Variants in RARB observed in about 807,000 individuals in gnomAD.
RARB encodes retinoic acid receptor beta.
In RARB, 17 loss-of-function variants were observed where a neutral mutation model predicts 51.9. The observed-to-expected ratio is 0.33, with a 90% confidence interval of 0.22 to 0.49. RARB has a LOEUF of 0.49. RARB is among the 20% of genes least tolerant of loss of function. The probability of loss-of-function intolerance (pLI) is 0.99; values close to 1 mark genes in which losing one functional copy is unlikely to be tolerated. For synonymous variants in RARB, 215 were observed against 195.4 expected (o/e 1.10, Z -0.84); for missense variants, 369 against 550.8 (o/e 0.67, Z 3.30).
intron 3 of RARB, among the ~76,000 whole-genome samples, chr3:25,548,642 CAAAAAAA>C (rs35411774): frequency 8.2e-5 from 6 of 73,600 alleles, no homozygotes. Context: ...CCTCCCCCGA[CAAAAAAA>C]AAAAAAAAAA....
intron 5 of RARB, among the ~76,000 whole-genome samples, chr3:25,388,889 T>G (rs181338876): frequency 4.3e-4 from 65 of 152,282 alleles, no homozygotes; most frequent in Non-Finnish European, 2.9e-5. Flanking sequence ...TGTTACTAGG[T>G]TTTTCTTCAA....
At position 25,017,828 on chromosome 3, in the gene RARB, A is replaced by G. The variant is rs78139358; in HGVS notation, c.-379-42297A>G. Among the ~76,000 whole-genome samples the G allele has an allele frequency of 7.2e-3, 1,099 of 152,262 alleles. 12 individuals carry two copies. Among genetic ancestry groups the G allele is most frequent in the African/African-American group, 0.025 (1,030 of 41,554 alleles). On this transcript the variant is annotated intron_variant, in intron 2 of 11. Transcript: ENST00000383772. ...TTGCTTTCCCCCTACAAATTCATAT[A>G]TTGAAAGCTAATCCCCAGTGTGATG... is the stretch of plus-strand genomic sequence containing the variant.
At chr3:25,544,671 C>T (rs930319181) in intron 3 of RARB, among the ~76,000 whole-genome samples, 4 of 151,094 alleles carry the variant, frequency 2.6e-5, no homozygotes, top group African/African-American at 4.9e-5. Flanking sequence ...ATGGTCATTC[C>T]CCCGCCCCCT....
At chr3:24,976,409 C>T (rs1195415714) in intron 2 of RARB, among the ~76,000 whole-genome samples, 3 of 152,232 alleles carry the variant, frequency 2.0e-5, no homozygotes, top group Non-Finnish European at 4.4e-5. Context: ...ATTCCTGTTT[C>T]TCCACATCCT....
chr3:25,470,053 C>A (rs1198010897), intron 2 of RARB, among the ~76,000 whole-genome samples: 2 of 152,100 alleles, frequency 1.3e-5, no homozygotes, highest in African/African-American at 4.8e-5. Flanking sequence ...TGAAGCACAG[C>A]GTGCCATCAT....
chr3:25,205,678 G>T (rs1415845885), intron 5 of RARB, among the ~76,000 whole-genome samples: 2 of 151,958 alleles, frequency 1.3e-5, no homozygotes, highest in Non-Finnish European at 2.9e-5. Context: ...AATTTCTCAT[G>T]TGCCTCATAA....
intron 2 of RARB, among the ~76,000 whole-genome samples, chr3:25,059,813 T>C (rs1698512324): frequency 6.6e-6 from 1 of 151,832 alleles, no homozygotes; most frequent in Non-Finnish European, 1.5e-5. Context: ...CAGAGTTTGC[T>C]ATAATCTCTG....
At chr3:24,970,538 C>T (rs897416395) in intron 2 of RARB, among the ~76,000 whole-genome samples, 1 of 149,790 alleles carries the variant, frequency 6.7e-6, no homozygotes, top group Admixed American at 6.7e-5. Context: ...ATCAGATCAA[C>T]AGTTGCTAAT....
At chr3:25,489,445 G>T (rs1696622035) in intron 2 of RARB, among the ~76,000 whole-genome samples, 1 of 151,992 alleles carries the variant, frequency 6.6e-6, no homozygotes, top group Non-Finnish European at 1.5e-5. Flanking sequence ...ACATTTCTTT[G>T]CTGATCTTCC....
intron 3 of RARB, among the ~76,000 whole-genome samples, chr3:25,537,313 C>A (rs894488920): frequency 6.6e-6 from 1 of 152,188 alleles, no homozygotes; most frequent in Admixed American, 6.5e-5. Flanking sequence ...AGCTTATGTT[C>A]TTGTAAATTA....
intron 5 of RARB, among the ~76,000 whole-genome samples, chr3:25,383,389 G>A (rs527269872): frequency 7.6e-4 from 116 of 152,298 alleles, no homozygotes; most frequent in African/African-American, 2.4e-3. Context: ...CCTAAGAAAT[G>A]AAAAGATGAT....
intron 5 of RARB, among the ~76,000 whole-genome samples, chr3:25,206,172 T>C (rs1442501878): frequency 6.6e-6 from 1 of 152,232 alleles, no homozygotes; most frequent in East Asian, 1.9e-4. Context: ...TCTCAAGTTC[T>C]ATTTTCCAGC....
At chr3:24,876,712 T>C (rs1321801397) in intron 2 of RARB, among the ~76,000 whole-genome samples, 1 of 152,158 alleles carries the variant, frequency 6.6e-6, no homozygotes, top group Non-Finnish European at 1.5e-5. Context: ...ATATATTAAT[T>C]GCTGGAAATC....
At chr3:25,162,179 A>G (rs907071512) in intron 4 of RARB, among the ~76,000 whole-genome samples, 7 of 152,178 alleles carry the variant, frequency 4.6e-5, no homozygotes, top group Non-Finnish European at 5.9e-5. Flanking sequence ...ATCATAGCTC[A>G]TGCAGCCTCA....
At chr3:25,462,067 T>C (rs1695214178) in intron 2 of RARB, among the ~76,000 whole-genome samples, 1 of 152,240 alleles carries the variant, frequency 6.6e-6, no homozygotes, top group East Asian at 1.9e-4. Flanking sequence ...GGGATTTGTC[T>C]GCTGGCTGTT....
intron 2 of RARB, among the ~76,000 whole-genome samples, chr3:24,973,360 G>A (rs937698036): frequency 1.3e-5 from 2 of 151,886 alleles, no homozygotes; most frequent in African/African-American, 4.8e-5. Flanking sequence ...TGCTATTTTG[G>A]TTAGTATAGC....
chr3:25,488,878 TCTAA>T (rs1239014379), intron 2 of RARB, among the ~76,000 whole-genome samples: 1 of 152,170 alleles, frequency 6.6e-6, no homozygotes, highest in African/African-American at 2.4e-5. Flanking sequence ...TGGAGAACAA[TCTAA>T]CTAATTGGCA....
intron 5 of RARB, among the ~76,000 whole-genome samples, chr3:25,354,761 G>A (rs983362354): frequency 6.6e-5 from 10 of 151,472 alleles, no homozygotes; most frequent in African/African-American, 2.4e-4. Flanking sequence ...AGCAATCATA[G>A]CTAAAAAGCA....
At chr3:25,361,256 C>G (rs1004633409) in intron 5 of RARB, among the ~76,000 whole-genome samples, 29 of 152,268 alleles carry the variant, frequency 1.9e-4, no homozygotes, top group African/African-American at 6.7e-4. Context: ...ATCCTTTCTT[C>G]TGATTTATCA....
Sources: allele counts gnomAD v4.1 joint callset (sites outside exome capture counted in the v4.1 genomes callset), GRCh38; gene constraint gnomAD v4.1.1; transcripts MANE v1.5; gene names NCBI Gene and HGNC (gene_info 2026-07-23, HGNC 2026-07-21).